The following PLXNC1 variants were observed in gnomAD, a reference collection of about 807,000 sequenced individuals.
The protein encoded by PLXNC1 is plexin-C1.
PLXNC1 carries 75 observed loss-of-function variants against 178.2 expected under a neutral mutation model. That is an observed-to-expected ratio of 0.42 (90% CI 0.35 to 0.51). The LOEUF (loss-of-function observed/expected upper bound fraction) is 0.51. Ranked by LOEUF, PLXNC1 falls within the 20% of genes least tolerant of loss-of-function variation. The probability of loss-of-function intolerance (pLI) is 0.02; values close to 1 mark genes in which losing one functional copy is unlikely to be tolerated. For missense variants in PLXNC1, 1,503 were observed against 1,984.4 expected (o/e 0.76, Z 4.61); for synonymous variants, 790 against 779.9 (o/e 1.01, Z -0.22).
rs1251706361 is a variant in PLXNC1 at position 94,248,036 on chromosome 12, G to A, written c.2522G>A (p.Arg841Gln). ...TTGGATTGTGGAACCCTGCAGTATC[G>A]GGAGGACCCCAGATTCACGGGGTAT... ...TYLDCGTLQY[R>Q]EDPRFTGYRV... is the part of the protein sequence containing the mutation. Residue 841 changes from arginine (R) to glutamine (Q), a missense_variant, in exon 13 of 31, where the codon CGG becomes CAG. This residue lies in a region of PLXNC1 where 639 missense variants were observed against 979.7 expected (regional missense o/e 0.65). Transcript: ENST00000258526. 12 of 1,613,968 alleles carry A rather than the reference G, an allele frequency of 7.4e-6. No homozygotes were observed. Among genetic ancestry groups the A allele is most frequent in the South Asian group, 4.4e-5 (4 of 91,092 alleles).
At chr12:94,229,961 C>T (rs1419937021) in intron 9 of PLXNC1, among the ~76,000 whole-genome samples, 3 of 152,196 alleles carry the variant, frequency 2.0e-5, no homozygotes, top group Non-Finnish European at 4.4e-5. Context: ...CAGTTTCCTT[C>T]AATAGTACTA....
At chr12:94,154,108 C>T (rs773696141) in intron 1 of PLXNC1, among the ~76,000 whole-genome samples, 5 of 152,232 alleles carry the variant, frequency 3.3e-5, no homozygotes, top group Admixed American at 1.3e-4. Flanking sequence ...GCAATCATAG[C>T]TACTATCTAC....
intron 23 of PLXNC1, among the ~76,000 whole-genome samples, chr12:94,285,407 C>T (rs894283309): frequency 1.3e-5 from 2 of 152,082 alleles, no homozygotes; most frequent in Admixed American, 1.3e-4. Flanking sequence ...AAAGTGGTTG[C>T]GTTGGGTGAT....
At chr12:94,197,202 A>G (rs1962947103) in intron 4 of PLXNC1, among the ~76,000 whole-genome samples, 1 of 152,056 alleles carries the variant, frequency 6.6e-6, no homozygotes, top group African/African-American at 2.4e-5. Context: ...ACATCTGCAG[A>G]GTCCCCTTTG....
At chr12:94,178,805 T>C (rs1480038509) in intron 2 of PLXNC1, among the ~76,000 whole-genome samples, 1 of 152,234 alleles carries the variant, frequency 6.6e-6, no homozygotes, top group Non-Finnish European at 1.5e-5. Context: ...GGCTAGCGGC[T>C]GTCATATTTG....
At chr12:94,303,711 TTACTC>T in intron 28 of PLXNC1, 40 bp from the exon 29 acceptor site, 1 of 1,169,808 alleles carries the variant, frequency 8.5e-7, no homozygotes, top group Non-Finnish European at 1.1e-6. Context: ...TTTTTTTTTT[TTACTC>T]TTTTGGTGAT....
chr12:94,238,424 G>A (rs1212555600), intron 10 of PLXNC1, among the ~76,000 whole-genome samples: 1 of 151,660 alleles, frequency 6.6e-6, no homozygotes, highest in East Asian at 1.9e-4. Flanking sequence ...TCACATCGGT[G>A]AAACTTGGAG....
At chr12:94,175,763 A>G (rs1444018569) in intron 2 of PLXNC1, among the ~76,000 whole-genome samples, 2 of 152,206 alleles carry the variant, frequency 1.3e-5, no homozygotes, top group African/African-American at 2.4e-5. Flanking sequence ...TGTGCCAGGC[A>G]CTGTTCTGGG....
At position 94,297,205 on chromosome 12, in the gene PLXNC1, T is replaced by A. The variant is rs1968018401; in HGVS notation, c.3951T>A (p.Asp1317Glu). 1 of 1,614,022 alleles carries A rather than the reference T, an allele frequency of 6.2e-7. No homozygotes were observed. Among genetic ancestry groups the A allele is most frequent in the African/African-American group, 1.3e-5 (1 of 74,922 alleles). The change falls in exon 25 of 31, where the codon GAT (aspartate) becomes GAA (glutamate). Residue 1317 changes from aspartate (D) to glutamate (E), a missense_variant. Asp to Glu is a conservative substitution (Grantham distance 45). Coordinates refer to ENST00000258526, the MANE Select transcript of PLXNC1 (RefSeq NM_005761.3). ...GGCATTCAGATGTGGAGTACTCGGA[T>A]GACCACTGCCATTTGGTGAGTTCAG... is the stretch of plus-strand genomic sequence containing the variant. ...ANFTSDVEYS[D>E]DHCHLILPDS...
chr12:94,258,012 A>C (rs1418900081), intron 17 of PLXNC1, among the ~76,000 whole-genome samples: 1 of 151,422 alleles, frequency 6.6e-6, no homozygotes, highest in Non-Finnish European at 1.5e-5. Context: ...CGACAGAGGG[A>C]GATTCCGTCT....
chr12:94,189,670 A>ACCTTGT (rs1555197071), intron 4 of PLXNC1, among the ~76,000 whole-genome samples: 6 of 136,528 alleles, frequency 4.4e-5, no homozygotes, highest in Admixed American at 7.6e-5. Context: ...ACAAAGTGAG[A>ACCTTGT]CCCTGTCTCA....
At chr12:94,181,708 C>A (rs1962312931) in intron 3 of PLXNC1, 128 bp downstream of exon 3, 2 of 735,474 alleles carry the variant, frequency 2.7e-6, no homozygotes, top group East Asian at 2.8e-5. Context: ...TTTGAGGAGA[C>A]CCGCAGTGGT....
chr12:94,293,652 T>G (rs1014635085), intron 23 of PLXNC1, among the ~76,000 whole-genome samples: 5 of 152,194 alleles, frequency 3.3e-5, no homozygotes, highest in African/African-American at 1.2e-4. Context: ...AAGGTCTCAC[T>G]CTGTCGCCCA....
chr12:94,200,308 C>G (rs963127057), intron 4 of PLXNC1, among the ~76,000 whole-genome samples: 4 of 152,142 alleles, frequency 2.6e-5, no homozygotes, highest in Non-Finnish European at 5.9e-5. Context: ...TATTGATTGG[C>G]CTTTAAATAT....
intron 2 of PLXNC1, among the ~76,000 whole-genome samples, chr12:94,179,278 C>G (rs1465799443): frequency 6.6e-6 from 1 of 152,216 alleles, no homozygotes; most frequent in Non-Finnish European, 1.5e-5. Context: ...TCTTTTGAAA[C>G]CATGCGCCCA....
chr12:94,303,050 T>A (rs1405267410), intron 28 of PLXNC1, among the ~76,000 whole-genome samples: 1 of 152,190 alleles, frequency 6.6e-6, no homozygotes, highest in Non-Finnish European at 1.5e-5. Context: ...AACTTACCTA[T>A]CTTCCCTGAG....
rs182134385 is a variant in PLXNC1 at position 94,253,439 on chromosome 12, G to C, written c.2882-1348G>C. ...TGGAGCTAGAAAAAAATGAGCCTTT[G>C]CGTGCATGAGCCAGTGTTGCTCAAA... is the stretch of plus-strand genomic sequence containing the variant. On this transcript the variant is annotated intron_variant, in intron 15 of 30. Transcript: ENST00000258526. Among the ~76,000 whole-genome samples the C allele has an allele frequency of 1.8e-4, 27 of 152,172 alleles. No homozygotes were observed. In the East Asian group the frequency reaches 5.2e-3, roughly 29 times the overall value.
intron 22 of PLXNC1, chr12:94,280,021 G>C: frequency 2.7e-6 from 1 of 370,918 alleles, no homozygotes; most frequent in Non-Finnish European, 5.2e-6. Context: ...ATTGGCATTT[G>C]ATTTGTTTGT....
In PLXNC1 at chr12:94,231,881, T is replaced by C. The variant is rs542501167; in HGVS notation, c.1980+4646T>C. Among the ~76,000 whole-genome samples the C allele has an allele frequency of 2.6e-5, 4 of 152,308 alleles. No individual in the cohort carries two copies. The East Asian group carries it at 5.8e-4, about 22-fold the overall frequency. On this transcript the variant is annotated intron_variant, in intron 9 of 30. Transcript: ENST00000258526. ...TCTCATATCTGGTGCCTTCACTCACTGAGACCAGAGATAGTTCCCCTCTCT... is the reference window on the plus strand; with the variant it reads ...TCTCATATCTGGTGCCTTCACTCACCGAGACCAGAGATAGTTCCCCTCTCT...
Sources: gnomAD v4.1 joint callset for allele counts (sites outside exome capture counted in the v4.1 genomes callset) on GRCh38, gnomAD v4.1.1 for gene constraint, gnomAD v4.1.1 regional missense constraint, MANE v1.5 for transcripts, NCBI Gene and HGNC (gene_info 2026-07-23, HGNC 2026-07-21) for gene names.